CDH9: variants seen among roughly 807,000 people sequenced by gnomAD.
The protein encoded by CDH9 is cadherin 9, also known as cadherin-9.
In CDH9, 28 loss-of-function variants were observed where a neutral mutation model predicts 70.9. The ratio of observed to expected loss-of-function variants is 0.40; its 90% CI spans 0.29 to 0.54. The LOEUF (loss-of-function observed/expected upper bound fraction) is 0.54. Ranked by LOEUF, CDH9 falls within the 20% of genes least tolerant of loss-of-function variation. CDH9 has a pLI of 0.59. For missense variants in CDH9, 874 were observed against 984.4 expected, an observed-to-expected ratio of 0.89 and a Z score of 1.50; for synonymous variants, 409 against 343.1, an observed-to-expected ratio of 1.19 and a Z score of -2.12.
At chr5:26,993,949 C>A (rs1201638194) in intron 1 of CDH9, among the ~76,000 whole-genome samples, 1 of 152,088 alleles carries the variant, frequency 6.6e-6, no homozygotes. Context: ...GAGCACTAAG[C>A]AAAAGAGGAT....
At chr5:27,011,348 A>G (rs1301710089) in intron 1 of CDH9, among the ~76,000 whole-genome samples, 6 of 152,110 alleles carry the variant, frequency 3.9e-5, no homozygotes, top group East Asian at 3.9e-4. Flanking sequence ...AGAATGGACC[A>G]TAACTCAATA....
chr5:27,014,245 C>G (rs1743008038), intron 1 of CDH9, among the ~76,000 whole-genome samples: 1 of 151,968 alleles, frequency 6.6e-6, no homozygotes, highest in South Asian at 2.1e-4. Context: ...AAGGATAGAT[C>G]AAGCTTTTTG....
At chr5:26,939,868 T>C (rs1416474597) in intron 2 of CDH9, among the ~76,000 whole-genome samples, 1 of 152,098 alleles carries the variant, frequency 6.6e-6, no homozygotes, top group Non-Finnish European at 1.5e-5. Flanking sequence ...AAAACACACA[T>C]GGCCAGGCAT....
At chr5:26,979,194 TA>T (rs1319446658) in intron 2 of CDH9, among the ~76,000 whole-genome samples, 2 of 151,566 alleles carry the variant, frequency 1.3e-5, no homozygotes, top group Non-Finnish European at 3.0e-5. Flanking sequence ...ACAATATATA[TA>T]AGAAAAATAT....
At chr5:26,892,211 C>T (rs548810846) in intron 7 of CDH9, among the ~76,000 whole-genome samples, 1 of 152,204 alleles carries the variant, frequency 6.6e-6, no homozygotes, top group East Asian at 1.9e-4. Context: ...CATGTTATGC[C>T]GTACTAGTTA....
chr5:26,987,806 C>G (rs560686170), intron 2 of CDH9, among the ~76,000 whole-genome samples: 2 of 152,092 alleles, frequency 1.3e-5, no homozygotes, highest in South Asian at 4.2e-4. Flanking sequence ...ATCAATCGAT[C>G]TCAAGGAGAG....
At chr5:26,956,342 T>C in intron 2 of CDH9, among the ~76,000 whole-genome samples, 1 of 152,094 alleles carries the variant, frequency 6.6e-6, no homozygotes, top group East Asian at 1.9e-4. Context: ...ATTAAACCTC[T>C]TTTTTTTCTT....
intron 8 of CDH9, 43 bp from the exon 9 acceptor site, chr5:26,890,000 G>A (rs765075101): frequency 3.1e-6 from 5 of 1,590,496 alleles, no homozygotes; most frequent in African/African-American, 1.4e-5. Flanking sequence ...CATTTACACA[G>A]AAGCAGTGAA....
chr5:26,892,347 T>G (rs959456385), intron 7 of CDH9, among the ~76,000 whole-genome samples: 2 of 152,204 alleles, frequency 1.3e-5, no homozygotes, highest in African/African-American at 4.8e-5. Context: ...AGAGTTTGAT[T>G]CAGTAGGTCT....
intron 2 of CDH9, among the ~76,000 whole-genome samples, chr5:26,921,544 G>A (rs904587722): frequency 6.6e-6 from 1 of 152,138 alleles, no homozygotes; most frequent in South Asian, 2.1e-4. Flanking sequence ...CAAACAAAAA[G>A]GTGGAAACTT....
chr5:26,893,966 T>A (rs62346383), intron 7 of CDH9, among the ~76,000 whole-genome samples: 26,063 of 152,120 alleles, frequency 0.17, 2,588 homozygotes, highest in South Asian at 0.36. Context: ...ATTATAAGGT[T>A]TTTGAGAGAA....
chr5:27,027,969 A>G (rs1743248701), intron 1 of CDH9, among the ~76,000 whole-genome samples: 1 of 152,096 alleles, frequency 6.6e-6, no homozygotes, highest in Non-Finnish European at 1.5e-5. Context: ...TCTTTCTTCC[A>G]GTAAACTCAA....
chr5:27,005,499 T>C (rs997242014), intron 1 of CDH9, among the ~76,000 whole-genome samples: 5 of 152,038 alleles, frequency 3.3e-5, no homozygotes, highest in African/African-American at 4.8e-5. Flanking sequence ...ATGGCCATTA[T>C]TAAAAAGTCA....
Position 26,988,321 on chromosome 5 carries a change from G to T in CDH9, c.13C>A (p.His5Asn). ...GTCCAGATGAATAATGGTATATAAT[G>T]GTAAGTCCTCATTATCTGCAACTTC... MRTY[H>N]YIPLFIWTYM... Residue 5 changes from histidine to asparagine, a missense_variant, in exon 2 of 12, where the codon CAT becomes AAT. His to Asn is a moderately conservative substitution (Grantham distance 68). Coordinates refer to ENST00000231021, the MANE Select transcript of CDH9 (RefSeq NM_016279.4). 6.2e-7 allele frequency: 1 copy of T among 1,611,050 alleles called. No homozygotes were observed. Among genetic ancestry groups the T allele is most frequent in the Non-Finnish European group, 8.5e-7 (1 of 1,177,914 alleles).
chr5:26,950,795 C>A (rs1227703072), intron 2 of CDH9, among the ~76,000 whole-genome samples: 1 of 151,978 alleles, frequency 6.6e-6, no homozygotes, highest in African/African-American at 2.4e-5. Flanking sequence ...GAAGAAAAAT[C>A]TTGTTAAAAT....
intron 2 of CDH9, among the ~76,000 whole-genome samples, chr5:26,925,633 G>A (rs946560438): frequency 2.6e-5 from 4 of 152,096 alleles, no homozygotes; most frequent in Non-Finnish European, 4.4e-5. Flanking sequence ...CCATGCCTAT[G>A]TCCTAAATGG....
At chr5:26,946,854 TC>T (rs1340366591) in intron 2 of CDH9, among the ~76,000 whole-genome samples, 1 of 152,118 alleles carries the variant, frequency 6.6e-6, no homozygotes, top group Non-Finnish European at 1.5e-5. Context: ...TACCGAATCC[TC>T]AGCTTATTCT....
chr5:26,901,265 T>C (rs938059096), intron 7 of CDH9, among the ~76,000 whole-genome samples: 1 of 151,960 alleles, frequency 6.6e-6, no homozygotes, highest in Non-Finnish European at 1.5e-5. Context: ...AATGTATTTT[T>C]TTAAAACAGA....
intron 2 of CDH9, among the ~76,000 whole-genome samples, chr5:26,952,864 T>A (rs1217453744): frequency 9.4e-6 from 1 of 105,978 alleles, no homozygotes; most frequent in African/African-American, 3.9e-5. Context: ...GTTATAAGAA[T>A]AATTTTCACT....
Sources: allele counts gnomAD v4.1 joint callset (sites outside exome capture counted in the v4.1 genomes callset), GRCh38; gene constraint gnomAD v4.1.1; transcripts MANE v1.5; gene names NCBI Gene and HGNC (gene_info 2026-07-23, HGNC 2026-07-21).